The following MIPOL1 variants were observed in gnomAD, a reference collection of about 807,000 sequenced individuals.
The protein encoded by MIPOL1 is mirror-image polydactyly 1.
In MIPOL1, 57 loss-of-function variants were observed where a neutral mutation model predicts 60.9. That is an observed-to-expected ratio of 0.94 (90% confidence interval 0.76 to 1.17). The LOEUF is 1.17. Ranked by LOEUF, MIPOL1 falls within the 50% of genes most tolerant of loss-of-function variation. The probability of loss-of-function intolerance (pLI) is 0.00; values close to 1 mark genes in which losing one functional copy is unlikely to be tolerated. For missense variants in MIPOL1, 551 were observed against 511.6 expected, an observed-to-expected ratio of 1.08 and a Z score of -0.74; for synonymous variants, 179 against 168.8, an observed-to-expected ratio of 1.06 and a Z score of -0.47.
intron 10 of MIPOL1, among the ~76,000 whole-genome samples, chr14:37,370,979 C>G (rs1263251205): frequency 6.6e-6 from 1 of 152,132 alleles, no homozygotes; most frequent in Non-Finnish European, 1.5e-5. Context: ...CCATTTAAAA[C>G]AGCACCTAAG....
At chr14:37,369,254 C>A (rs912728841) in intron 9 of MIPOL1, among the ~76,000 whole-genome samples, 3 of 151,818 alleles carry the variant, frequency 2.0e-5, no homozygotes, top group African/African-American at 7.3e-5. Flanking sequence ...TATGGTTTGA[C>A]CTTAATTTTA....
At chr14:37,509,796 T>C (rs1446477358) in intron 12 of MIPOL1, among the ~76,000 whole-genome samples, 4 of 147,440 alleles carry the variant, frequency 2.7e-5, no homozygotes, top group African/African-American at 5.3e-5. Flanking sequence ...TATGTATATC[T>C]ATCTACTTAT....
intron 3 of MIPOL1, among the ~76,000 whole-genome samples, chr14:37,265,965 G>T (rs971084490): frequency 4.6e-5 from 7 of 151,988 alleles, no homozygotes; most frequent in Non-Finnish European, 1.5e-5. Flanking sequence ...ACACAGTATG[G>T]GTTCTTTAAA....
intron 9 of MIPOL1, among the ~76,000 whole-genome samples, chr14:37,332,466 C>A (rs1462094958): frequency 6.6e-6 from 1 of 152,146 alleles, no homozygotes; most frequent in South Asian, 2.1e-4. Flanking sequence ...AACCTAACTA[C>A]TAATAGCCTA....
intron 12 of MIPOL1, among the ~76,000 whole-genome samples, chr14:37,515,594 G>A (rs2095363230): frequency 6.6e-6 from 1 of 151,936 alleles, no homozygotes; most frequent in African/African-American, 2.4e-5. Flanking sequence ...GCTATATAAT[G>A]GTAAAAATAA....
chr14:37,404,939 A>C (rs1222875977), intron 10 of MIPOL1, among the ~76,000 whole-genome samples: 1 of 152,150 alleles, frequency 6.6e-6, no homozygotes. Flanking sequence ...GTAGAAGAAT[A>C]TTATTTACTT....
chr14:37,361,853 C>T (rs929150333), intron 9 of MIPOL1, among the ~76,000 whole-genome samples: 13 of 152,020 alleles, frequency 8.6e-5, no homozygotes, highest in Middle Eastern at 6.8e-3. Flanking sequence ...GTGATCTGCC[C>T]GCCTTGGCCT....
At chr14:37,524,464 AACG>A (rs1361244677) in intron 12 of MIPOL1, among the ~76,000 whole-genome samples, 1 of 152,148 alleles carries the variant, frequency 6.6e-6, no homozygotes, top group African/African-American at 2.4e-5. Flanking sequence ...AGTGAAATGG[AACG>A]ACATCTTTAG....
chr14:37,272,826 G>A (rs563561036), intron 6 of MIPOL1, among the ~76,000 whole-genome samples: 2 of 151,534 alleles, frequency 1.3e-5, no homozygotes, highest in African/African-American at 4.8e-5. Flanking sequence ...GAATATATAT[G>A]TTTAAAAAGA....
chr14:37,377,378 C>G (rs1281886066), intron 10 of MIPOL1, among the ~76,000 whole-genome samples: 1 of 152,034 alleles, frequency 6.6e-6, no homozygotes, highest in Non-Finnish European at 1.5e-5. Flanking sequence ...TTATTACATG[C>G]TGTCTGAAAC....
chr14:37,345,925 A>G (rs2090915450), intron 9 of MIPOL1, among the ~76,000 whole-genome samples: 1 of 152,206 alleles, frequency 6.6e-6, no homozygotes, highest in Non-Finnish European at 1.5e-5. Context: ...GAATACTATC[A>G]TATATACAAT....
In MIPOL1 at chr14:37,307,732, C is replaced by T. The variant is rs144502706; in HGVS notation, c.624-324C>T. Among the ~76,000 whole-genome samples the T allele has an allele frequency of 2.1e-3, 314 of 151,956 alleles. 2 individuals are homozygous for T. The highest frequency in any genetic ancestry group is 7.0e-3 in the African/African-American group (290 of 41,514). The stretch of plus-strand genomic sequence containing the variant: ...ACAGTTTCTGATAAAAATGGAAAGT[C>T]CAGGAATAAATATAATGATGAGAAT... On this transcript the variant is annotated intron_variant, in intron 7 of 12. Transcript: ENST00000684589.
At position 37,492,815 on chromosome 14, in the gene MIPOL1, A is replaced by G. The variant is rs534647923; in HGVS notation, c.1032-7093A>G. ...TGTTGTAGGAATCTATCCTCTGTTT[A>G]GCAGCATCTTTAGCTTCTATTCACT... On this transcript the variant is annotated intron_variant, in intron 11 of 12. Coordinates refer to ENST00000684589, the MANE Select transcript of MIPOL1 (RefSeq NM_001388067.1). Among the ~76,000 whole-genome samples, 3 of 152,258 alleles carry G rather than the reference A, an allele frequency of 2.0e-5. No homozygotes were observed. In the East Asian group the frequency reaches 5.8e-4, roughly 29 times the overall value.
intron 1 of MIPOL1, among the ~76,000 whole-genome samples, chr14:37,232,036 C>T (rs1425878765): frequency 2.6e-5 from 4 of 152,028 alleles, no homozygotes; most frequent in African/African-American, 9.7e-5. Flanking sequence ...GAGCTATGAC[C>T]ACACCACTGC....
intron 11 of MIPOL1, chr14:37,423,695 C>T (rs1045004032): frequency 2.6e-5 from 4 of 152,036 alleles, no homozygotes; most frequent in East Asian, 3.9e-4. Flanking sequence ...TAGGAATTCA[C>T]TAAGGGTGCT....
intron 1 of MIPOL1, among the ~76,000 whole-genome samples, chr14:37,233,391 A>G (rs1373820973): frequency 1.3e-5 from 2 of 152,220 alleles, no homozygotes; most frequent in Non-Finnish European, 2.9e-5. Context: ...AGGCTTCAAA[A>G]AGTTTATGGA....
At chr14:37,373,110 T>C (rs1291893222) in intron 10 of MIPOL1, among the ~76,000 whole-genome samples, 3 of 152,060 alleles carry the variant, frequency 2.0e-5, no homozygotes, top group African/African-American at 7.2e-5. Context: ...TTCAAGTCAT[T>C]CTCCGGCCTC....
chr14:37,360,462 C>T (rs1402220607), intron 9 of MIPOL1, among the ~76,000 whole-genome samples: 1 of 151,902 alleles, frequency 6.6e-6, no homozygotes, highest in Non-Finnish European at 1.5e-5. Flanking sequence ...CTTTTTTGTT[C>T]AGTAGGCTAT....
At chr14:37,419,471 C>T (rs1470548387) in intron 10 of MIPOL1, among the ~76,000 whole-genome samples, 2 of 152,046 alleles carry the variant, frequency 1.3e-5, no homozygotes, top group Admixed American at 6.6e-5. Flanking sequence ...TAAATCTTTA[C>T]CTTATATAAA....
Sources: allele counts gnomAD v4.1 joint callset (sites outside exome capture counted in the v4.1 genomes callset), GRCh38; gene constraint gnomAD v4.1.1; transcripts MANE v1.5; gene names NCBI Gene and HGNC (gene_info 2026-07-23, HGNC 2026-07-21).